FASTKD2: variants seen among roughly 807,000 people sequenced by gnomAD.
FASTKD2 encodes the protein FAST kinase domains 2, also known as FAST kinase domain-containing protein 2, mitochondrial.
Under a neutral mutation model 63.6 loss-of-function variants are expected in FASTKD2, and 51 were observed. The observed-to-expected ratio is 0.80, with a 90% CI of 0.64 to 1.01. FASTKD2 has a LOEUF of 1.01. FASTKD2 is among the 50% of genes least tolerant of loss of function. The pLI, the probability that FASTKD2 is intolerant of heterozygous loss-of-function variation, is 0.00. For missense variants in FASTKD2, 786 were observed against 831.1 expected (o/e 0.95, Z 0.67); for synonymous variants, 284 against 293.4 (o/e 0.97, Z 0.33).
intron 4 of FASTKD2, 31 bp downstream of exon 4, chr2:206,771,321 G>C: frequency 7.6e-7 from 1 of 1,316,278 alleles, no homozygotes; most frequent in Non-Finnish European, 1.1e-6. Flanking sequence ...TAGTGGATGA[G>C]ATTTGAAAAA....
In FASTKD2 at chr2:206,786,698, A is replaced by G. The variant is rs778117436; in HGVS notation, c.1428-35A>G. 3.1e-6 allele frequency: 5 copies of G among 1,596,720 alleles called. No homozygotes were observed. In the South Asian group the frequency reaches 4.4e-5, roughly 14 times the overall value. ...ATCGTTACAGATATTGGCCTTCTGT[A>G]TATGTTGGGAAACTGACTTTTCTTT... On this transcript the variant is annotated intron_variant, in intron 7 of 11. Transcript: ENST00000402774.
rs144460387 is a variant in FASTKD2, at chr2:206,780,194, G to A, written c.1427+5797G>A. On this transcript the variant is annotated intron_variant, in intron 7 of 11. Transcript: ENST00000402774. The stretch of plus-strand genomic sequence containing the variant: ...ATATCCTATATTTGTTTATGTATTT[G>A]CCTTTACTAGTGAGTTTTATACTTT... Among the ~76,000 whole-genome samples the A allele has an allele frequency of 2.3e-3, 346 of 152,120 alleles. 2 individuals carry two copies. The highest frequency in any genetic ancestry group is 7.9e-3 in the African/African-American group (326 of 41,516).
chr2:206,767,402 C>A lies in FASTKD2; in HGVS notation c.709C>A (p.His237Asn). Residue 237 changes from histidine to asparagine, a missense_variant, in exon 2 of 12, where the codon CAC (histidine) becomes AAC (asparagine). His to Asn is a moderately conservative substitution (Grantham distance 68). Transcript: ENST00000402774. ...MQYKYLLFSL[H>N]AIVKLGIPQN... ...GTATAAGTACCTACTGTTCAGTCTT[C>A]ACGCCATAGTGAAGCTTGGAATCCC... 1 of 1,613,730 alleles carries A rather than the reference C, an allele frequency of 6.2e-7. No individual in the cohort carries two copies. Among genetic ancestry groups the A allele is most frequent in the African/African-American group, 1.3e-5 (1 of 75,072 alleles).
intron 10 of FASTKD2, chr2:206,789,361 G>C (rs1325713249): frequency 6.1e-6 from 1 of 163,324 alleles, no homozygotes; most frequent in Non-Finnish European, 1.3e-5. Context: ...GTATGGGTTA[G>C]AGCACATTGA....
intron 5 of FASTKD2, 50 bp from the exon 6 acceptor site, chr2:206,772,131 T>C (rs376973537): frequency 6.3e-7 from 1 of 1,594,412 alleles, no homozygotes; most frequent in African/African-American, 1.3e-5. Flanking sequence ...GCATGTTGTA[T>C]TCAAAACAAT....
chr2:206,779,152 A>G (rs113019700), intron 7 of FASTKD2, among the ~76,000 whole-genome samples: 138 of 152,236 alleles, frequency 9.1e-4, no homozygotes, highest in African/African-American at 3.2e-3. Flanking sequence ...TGTCCTTGTG[A>G]CAATTTTTAA....
rs1012252233 is a variant in FASTKD2 at position 206,793,355 on chromosome 2, A to T, written c.*1553A>T. Among the ~76,000 whole-genome samples, 6 of 151,972 alleles carry T rather than the reference A, an allele frequency of 3.9e-5. No homozygotes were observed. Among genetic ancestry groups the T allele is most frequent in the African/African-American group, 1.2e-4 (5 of 41,368 alleles). On this transcript the variant is annotated 3_prime_UTR_variant, in exon 12 of 12. Coordinates refer to ENST00000402774, the MANE Select transcript of FASTKD2 (RefSeq NM_001136193.2). The stretch of plus-strand genomic sequence containing the variant: ...TGAAAGGAAATTTAGTGATTATTTA[A>T]TTGTTACTTCCCTCATTTTATGGAC...
In FASTKD2 at chr2:206,773,160, CA is replaced by C. The variant is rs764099197; in HGVS notation, c.1254+845del. Among the ~76,000 whole-genome samples the C allele has an allele frequency of 1.9e-3, 295 of 152,004 alleles. 3 individuals carry two copies. Among genetic ancestry groups the C allele is most frequent in the Non-Finnish European group, 3.6e-3 (243 of 67,980 alleles). On this transcript the variant is annotated intron_variant, in intron 6 of 11. Coordinates refer to ENST00000402774, the MANE Select transcript of FASTKD2 (RefSeq NM_001136193.2). ...TGAAACCCCATCTCTACTAAAAATACAAAAAGTAGCCGGGCATGGTGACGTG... is the reference window on the plus strand; with the variant it reads ...TGAAACCCCATCTCTACTAAAAATACAAAAGTAGCCGGGCATGGTGACGTG...
chr2:206,783,735 G>T (rs1484558047), intron 7 of FASTKD2, among the ~76,000 whole-genome samples: 2 of 152,182 alleles, frequency 1.3e-5, no homozygotes, highest in Non-Finnish European at 2.9e-5. Flanking sequence ...TTAATAAAAT[G>T]GCAGTAGTAG....
At chr2:206,775,290 G>T (rs565813418) in intron 7 of FASTKD2, among the ~76,000 whole-genome samples, 1 of 151,058 alleles carries the variant, frequency 6.6e-6, no homozygotes, top group East Asian at 2.0e-4. Context: ...GGATCATACA[G>T]GGATTCTGCT....
At chr2:206,779,543 G>A (rs1369452119) in intron 7 of FASTKD2, among the ~76,000 whole-genome samples, 1 of 152,110 alleles carries the variant, frequency 6.6e-6, no homozygotes, top group Non-Finnish European at 1.5e-5. Context: ...CAAGAGAAAG[G>A]GCGAGGAAGT....
chr2:206,774,229 T>G lies in FASTKD2; in HGVS notation c.1259T>G (p.Leu420Arg). 2 of 1,606,798 alleles carry G rather than the reference T, an allele frequency of 1.2e-6. No individual in the cohort carries two copies. The highest frequency in any genetic ancestry group is 1.7e-6 in the Non-Finnish European group (2 of 1,174,842). ...TFDIWKFRKV[L>R]FILILFENLG... Reference sequence around the variant, plus strand: ...CCTCAATTTTCTCTTTTTAAGGTTCTTTTTATCCTCATTTTATTTGAAAAC... The same window carrying G: ...CCTCAATTTTCTCTTTTTAAGGTTCGTTTTATCCTCATTTTATTTGAAAAC... The change falls in exon 7 of 12, where the codon CTT becomes CGT. Residue 420 changes from leucine (L) to arginine (R), a missense_variant. Transcript: ENST00000402774.
intron 7 of FASTKD2, among the ~76,000 whole-genome samples, chr2:206,777,474 T>C (rs544999450): frequency 6.6e-6 from 1 of 152,304 alleles, no homozygotes; most frequent in South Asian, 2.1e-4. Context: ...TGTATCTCAT[T>C]AATTGACTTG....
intron 9 of FASTKD2, 48 bp downstream of exon 9, chr2:206,788,203 C>CT (rs1207459734): frequency 1.5e-5 from 21 of 1,405,354 alleles, no homozygotes; most frequent in Middle Eastern, 1.9e-4. Flanking sequence ...ATTTATTTTC[C>CT]TTTTTTTCTG....
At chr2:206,779,252 C>T (rs1348706281) in intron 7 of FASTKD2, among the ~76,000 whole-genome samples, 1 of 152,176 alleles carries the variant, frequency 6.6e-6, no homozygotes, top group Non-Finnish European at 1.5e-5. Flanking sequence ...CGTTTCTTCA[C>T]TATCAAACTA....
rs1690428927 is a variant in FASTKD2, at chr2:206,795,605, C to T, written c.*3803C>T. Among the ~76,000 whole-genome samples the T allele has an allele frequency of 6.6e-6, 1 of 151,984 alleles. No individual in the cohort carries two copies. Among genetic ancestry groups the T allele is most frequent in the African/African-American group, 2.4e-5 (1 of 41,380 alleles). On this transcript the variant is annotated 3_prime_UTR_variant, in exon 12 of 12. Coordinates refer to ENST00000402774, the MANE Select transcript of FASTKD2 (RefSeq NM_001136193.2). ...GTGTGCCGTGACTCACTGGTGGATC[C>T]AAAAAAAGCTGAAGCCTACATTTCC...
chr2:206,791,084 A>G (rs566662922), intron 11 of FASTKD2: 1 of 239,036 alleles, frequency 4.2e-6, no homozygotes, highest in African/African-American at 2.3e-5. Flanking sequence ...GTTTGTTGCC[A>G]GAAAAGGCTG....
chr2:206,791,371 CT>C, intron 11 of FASTKD2: 1 of 315,536 alleles, frequency 3.2e-6, no homozygotes, highest in Non-Finnish European at 5.9e-6. Context: ...ACTCCTTTCT[CT>C]TAGTGGGCTA....
chr2:206,791,743 A>G lies in FASTKD2; in HGVS notation c.2074A>G (p.Lys692Glu), dbSNP rs771134176. 3.8e-5 allele frequency: 61 copies of G among 1,612,290 alleles called. 1 individual carries two copies. The Admixed American group carries it at 9.2e-4, about 24-fold the overall frequency. Residue 692 changes from lysine to glutamate, a missense_variant, in exon 12 of 12, where the codon AAA (lysine) becomes GAA (glutamate). Lys to Glu is a moderately conservative substitution (Grantham distance 56). Coordinates refer to ENST00000402774, the MANE Select transcript of FASTKD2 (RefSeq NM_001136193.2). ...AGATGCAGTCACATTTTTGAAGACTAAAATCTATTCAGTAGAAGCTCTTCC... is the reference window on the plus strand; with the variant it reads ...AGATGCAGTCACATTTTTGAAGACTGAAATCTATTCAGTAGAAGCTCTTCC... Reference protein sequence around the residue: ...MEDAVTFLKTKIYSVEALPVA... With the variant: ...MEDAVTFLKTEIYSVEALPVA...
Sources: gnomAD v4.1 joint callset for allele counts (sites outside exome capture counted in the v4.1 genomes callset) on GRCh38, gnomAD v4.1.1 for gene constraint, MANE v1.5 for transcripts, NCBI Gene and HGNC (gene_info 2026-07-23, HGNC 2026-07-21) for gene names.